ROBO1: variants seen among roughly 807,000 people sequenced by gnomAD.
The protein encoded by ROBO1 is roundabout homolog 1.
Under a neutral mutation model 195.9 loss-of-function variants are expected in ROBO1, and 149 were observed. The observed-to-expected ratio is 0.76, with a 90% CI of 0.67 to 0.87. The LOEUF is 0.87. Among genes scored for constraint, ROBO1 ranks in the 40% least tolerant of loss-of-function variants. The probability of loss-of-function intolerance (pLI) is 0.00; values close to 1 mark genes in which losing one functional copy is unlikely to be tolerated. For missense variants in ROBO1, 1,933 were observed against 2,068.3 expected, an observed-to-expected ratio of 0.93 and a Z score of 1.27; for synonymous variants, 816 against 733.2, an observed-to-expected ratio of 1.11 and a Z score of -1.82.
At chr3:79,290,391 A>G (rs1049897953) in intron 2 of ROBO1, among the ~76,000 whole-genome samples, 8 of 152,070 alleles carry the variant, frequency 5.3e-5, no homozygotes, top group Admixed American at 3.9e-4. Flanking sequence ...GTAAGGACAC[A>G]GATGTTTCAA....
intron 2 of ROBO1, among the ~76,000 whole-genome samples, chr3:79,504,892 G>A (rs1940305953): frequency 1.3e-5 from 2 of 152,020 alleles, no homozygotes; most frequent in South Asian, 4.1e-4. Flanking sequence ...TGTATGCGGA[G>A]ATACTTAGTA....
At chr3:79,100,725 T>A (rs1210294886) in intron 3 of ROBO1, among the ~76,000 whole-genome samples, 1 of 151,828 alleles carries the variant, frequency 6.6e-6, no homozygotes, top group Non-Finnish European at 1.5e-5. Flanking sequence ...TTTGTGCTCA[T>A]CTGATCCTTA....
intron 3 of ROBO1, among the ~76,000 whole-genome samples, chr3:79,064,950 G>C (rs893472509): frequency 1.3e-5 from 2 of 151,970 alleles, no homozygotes; most frequent in Admixed American, 6.6e-5. Context: ...ATTACAGAAA[G>C]TGTAGAAGTT....
intron 2 of ROBO1, among the ~76,000 whole-genome samples, chr3:79,389,852 G>A (rs963962170): frequency 2.0e-5 from 3 of 152,148 alleles, no homozygotes; most frequent in African/African-American, 4.8e-5. Context: ...AGAGTTTGGA[G>A]TTTTCATCTG....
At chr3:78,747,023 G>T in intron 4 of ROBO1, 123 bp from the exon 5 acceptor site, 1 of 539,018 alleles carries the variant, frequency 1.9e-6, no homozygotes, top group Non-Finnish European at 2.9e-6. Flanking sequence ...TTGCAATACA[G>T]CTTTAAGAAT....
At chr3:78,659,595 T>G in intron 17 of ROBO1, 91 bp downstream of exon 17, 1 of 1,003,950 alleles carries the variant, frequency 1.0e-6, no homozygotes, top group South Asian at 3.9e-5. Flanking sequence ...TGGCGCCAAA[T>G]ATCCATAAAC....
chr3:78,773,234 C>CAA lies in ROBO1; in HGVS notation c.500-26336_500-26335dup, dbSNP rs1469794390. On this transcript the variant is annotated intron_variant, in intron 4 of 30. Transcript: ENST00000464233. ...GAGAAAACAAAGAGATATACAGGTA[C>CAA]AAAAAAATCAAGATACAAACCATAT... Among the ~76,000 whole-genome samples, 4 of 151,846 alleles carry CAA rather than the reference C, an allele frequency of 2.6e-5. No homozygotes were observed. The East Asian group carries it at 7.8e-4, about 29-fold the overall frequency.
At chr3:79,238,560 C>T (rs1000682086) in intron 2 of ROBO1, among the ~76,000 whole-genome samples, 1 of 152,158 alleles carries the variant, frequency 6.6e-6, no homozygotes, top group Non-Finnish European at 1.5e-5. Context: ...CCACTTCCCT[C>T]ATTTATAAAG....
chr3:79,050,824 A>T (rs1014103933), intron 3 of ROBO1, among the ~76,000 whole-genome samples: 3 of 152,210 alleles, frequency 2.0e-5, no homozygotes, highest in Non-Finnish European at 4.4e-5. Context: ...GTAAATAACA[A>T]AATGAAGGCA....
chr3:78,938,500 T>G, intron 4 of ROBO1, 101 bp downstream of exon 4: 1 of 925,078 alleles, frequency 1.1e-6, no homozygotes, highest in Non-Finnish European at 1.6e-6. Context: ...TATCCTCAGG[T>G]AAGGCCTGAG....
chr3:79,340,958 G>A (rs566853802), intron 2 of ROBO1, among the ~76,000 whole-genome samples: 13 of 152,266 alleles, frequency 8.5e-5, no homozygotes, highest in East Asian at 1.9e-4. Context: ...CATACATAGG[G>A]TAGCCAAAAT....
At chr3:79,214,781 T>C (rs1350288873) in intron 2 of ROBO1, among the ~76,000 whole-genome samples, 3 of 147,988 alleles carry the variant, frequency 2.0e-5, no homozygotes, top group Non-Finnish European at 4.5e-5. Flanking sequence ...ATAGCATATA[T>C]ATATATATAC....
chr3:78,738,457 G>T (rs1219662915), intron 5 of ROBO1, among the ~76,000 whole-genome samples: 1 of 152,010 alleles, frequency 6.6e-6, no homozygotes. Flanking sequence ...CTTCATTATG[G>T]ATTTTCAAAA....
At chr3:78,620,883 A>ATATATGTGTGTGTGTGTG (rs368794312) in intron 26 of ROBO1, among the ~76,000 whole-genome samples, 14 of 144,668 alleles carry the variant, frequency 9.7e-5, no homozygotes, top group African/African-American at 2.8e-4. Context: ...ATATATATAT[A>ATATATGTGTGTGTGTGTG]TGTGTGTGTG....
At chr3:78,718,843 G>GGAGGGAGA (rs2081970035) in intron 5 of ROBO1, among the ~76,000 whole-genome samples, 1 of 131,674 alleles carries the variant, frequency 7.6e-6, no homozygotes, top group Non-Finnish European at 1.6e-5. Context: ...AGAGAGGGAG[G>GGAGGGAGA]GAGGGAGAGA....
chr3:78,612,040 C>T (rs191567648), intron 28 of ROBO1, among the ~76,000 whole-genome samples: 133 of 152,270 alleles, frequency 8.7e-4, no homozygotes, highest in African/African-American at 3.0e-3. Context: ...CAAGGATTAA[C>T]TGAGAAGGAT....
chr3:78,928,420 C>T (rs1259840371), intron 4 of ROBO1, among the ~76,000 whole-genome samples: 1 of 151,664 alleles, frequency 6.6e-6, no homozygotes, highest in Admixed American at 6.6e-5. Flanking sequence ...ATGCAGTGAC[C>T]TAAGTGTTAA....
At chr3:79,121,837 C>T (rs976906545) in intron 3 of ROBO1, among the ~76,000 whole-genome samples, 2 of 151,762 alleles carry the variant, frequency 1.3e-5, no homozygotes, top group Non-Finnish European at 2.9e-5. Context: ...AATTCCTTTC[C>T]TGATTACTGC....
intron 3 of ROBO1, among the ~76,000 whole-genome samples, chr3:79,112,240 C>T (rs2079899902): frequency 6.6e-6 from 1 of 152,152 alleles, no homozygotes. Context: ...TCATATGTGA[C>T]ATACTTACTC....
Sources: allele counts gnomAD v4.1 joint callset (sites outside exome capture counted in the v4.1 genomes callset), GRCh38; gene constraint gnomAD v4.1.1; transcripts MANE v1.5; gene names NCBI Gene and HGNC (gene_info 2026-07-23, HGNC 2026-07-21).